CEP83: variants seen among roughly 807,000 people sequenced by gnomAD.
CEP83 encodes the protein centrosomal protein of 83 kDa.
A neutral mutation model predicts 101.9 loss-of-function variants in CEP83; 70 were observed. The observed-to-expected ratio is 0.69, with a 90% CI of 0.57 to 0.84. The LOEUF is 0.84. Ranked by LOEUF, CEP83 falls within the 40% of genes least tolerant of loss-of-function variation. CEP83 has a pLI of 0.00. For synonymous variants in CEP83, 264 were observed against 267.9 expected (o/e 0.99, Z 0.14); for missense variants, 715 against 787.2 (o/e 0.91, Z 1.10).
At chr12:94,375,587 A>G (rs2061491885) in intron 8 of CEP83, among the ~76,000 whole-genome samples, 1 of 152,208 alleles carries the variant, frequency 6.6e-6, no homozygotes, top group African/African-American at 2.4e-5. Context: ...GTCACAGTGG[A>G]TGTCATAAGA....
At chr12:94,347,027 G>C (rs372047028) in intron 11 of CEP83, among the ~76,000 whole-genome samples, 1 of 139,782 alleles carries the variant, frequency 7.2e-6, no homozygotes, top group African/African-American at 2.6e-5. Context: ...AACAGAGCAA[G>C]ATCCTGTATC....
chr12:94,380,913 T>A (rs1278566719), intron 6 of CEP83, among the ~76,000 whole-genome samples: 2 of 152,194 alleles, frequency 1.3e-5, no homozygotes, highest in Admixed American at 1.3e-4. Context: ...GTTGAAGCTA[T>A]GAGACTGGAT....
At chr12:94,411,331 C>CT (rs894380852) in intron 4 of CEP83, among the ~76,000 whole-genome samples, 6 of 151,892 alleles carry the variant, frequency 4.0e-5, no homozygotes, top group African/African-American at 1.5e-4. Flanking sequence ...AATAGCTGTC[C>CT]TTTTTTAGCT....
At chr12:94,382,409 G>T (rs2061900993) in intron 6 of CEP83, among the ~76,000 whole-genome samples, 1 of 150,596 alleles carries the variant, frequency 6.6e-6, no homozygotes, top group Non-Finnish European at 1.5e-5. Context: ...TCTTTTTCTA[G>T]GTTCTTGAGG....
At position 94,307,980 on chromosome 12, in the gene CEP83, T is replaced by G. The variant is rs918055207; in HGVS notation, c.*833A>C. ...TGAAATTATTCCAGCAGAATTCCTC[T>G]AAAAGATGTCACATTAAAAAGGCTT... On this transcript the variant is annotated 3_prime_UTR_variant, in exon 17 of 17. Coordinates refer to ENST00000397809, the MANE Select transcript of CEP83 (RefSeq NM_016122.3). The G allele has an allele frequency of 1.3e-5, 2 of 152,098 alleles. No individual in the cohort carries two copies. Among genetic ancestry groups the G allele is most frequent in the African/African-American group, 4.8e-5 (2 of 41,412 alleles). The allele number at this position is 152,098 out of a possible 1,614,324, so 9.4% of individuals were successfully genotyped here. A position where few individuals can be genotyped will look rare whatever the true frequency, so the allele number is the denominator to read the frequency against.
In CEP83 at chr12:94,341,588, T is replaced by A. The variant is rs139367569; in HGVS notation, c.1344-5924A>T. Among the ~76,000 whole-genome samples the A allele has an allele frequency of 4.3e-3, 649 of 151,622 alleles. 2 individuals carry two copies. Among genetic ancestry groups the A allele is most frequent in the Middle Eastern group, 0.014 (4 of 292 alleles). On this transcript the variant is annotated intron_variant, in intron 11 of 16. Transcript: ENST00000397809. Reference sequence around the variant, plus strand: ...CATGCAAATCGTGTGAATTTAATCCTGCTAGATTTTATGTTGGTTACTATG... The same window carrying A: ...CATGCAAATCGTGTGAATTTAATCCAGCTAGATTTTATGTTGGTTACTATG...
chr12:94,285,638 C>T, the CEP83 span, among the ~76,000 whole-genome samples: 11 of 152,118 alleles, frequency 7.2e-5, no homozygotes, highest in Non-Finnish European at 1.3e-4. Flanking sequence ...GCATCTTTGG[C>T]TGTATTTGGA....
chr12:94,307,600 C>G (rs887911660), downstream of CEP83: 1 of 151,674 alleles, frequency 6.6e-6, no homozygotes, highest in Non-Finnish European at 1.5e-5. Context: ...TTATTGTATA[C>G]CTGATTGAAG....
chr12:94,279,917 G>A, the CEP83 span: 1 of 590,238 alleles, frequency 1.7e-6, no homozygotes, highest in Non-Finnish European at 3.1e-6. Flanking sequence ...TCAGATTGAT[G>A]AGATTGCAGG....
At chr12:94,324,266 C>G (rs2058871765) in intron 14 of CEP83, among the ~76,000 whole-genome samples, 1 of 152,092 alleles carries the variant, frequency 6.6e-6, no homozygotes, top group African/African-American at 2.4e-5. Context: ...TGAGGCATTT[C>G]TTTGTGGAAG....
Position 94,436,175 on chromosome 12 carries a change from T to G in CEP83, c.-154-848A>C, listed in dbSNP as rs183990583. 2.1e-3 allele frequency among the ~76,000 whole-genome samples: 324 copies of G among 152,252 alleles called. 1 individual carries two copies. The highest frequency in any genetic ancestry group is 7.5e-3 in the African/African-American group (310 of 41,554). On this transcript the variant is annotated intron_variant, in intron 1 of 16. Transcript: ENST00000397809. ...TCTGGTAATATGGCAAAACGAAGTT[T>G]GATAACACCCCCAAAAGATCACACT...
At chr12:94,293,504 T>A in the CEP83 span, among the ~76,000 whole-genome samples, 1 of 152,252 alleles carries the variant, frequency 6.6e-6, no homozygotes, top group East Asian at 1.9e-4. Context: ...GTTCACTGTC[T>A]GGGCAAAGTA....
At chr12:94,445,812 A>G (rs1202556197) in intron 1 of CEP83, among the ~76,000 whole-genome samples, 1 of 152,198 alleles carries the variant, frequency 6.6e-6, no homozygotes, top group East Asian at 1.9e-4. Flanking sequence ...CCCAGTAGGA[A>G]TGAGTATGGG....
chr12:94,270,796 G>A, the CEP83 span, among the ~76,000 whole-genome samples: 3 of 150,492 alleles, frequency 2.0e-5, no homozygotes, highest in Non-Finnish European at 1.5e-5. Context: ...AAAGGCTCTC[G>A]TTACCCTGTC....
chr12:94,424,492 G>C, intron 2 of CEP83: 1 of 1,613,886 alleles, frequency 6.2e-7, no homozygotes, highest in East Asian at 2.2e-5. Context: ...AGATAACCTG[G>C]CCAAAGGGCT....
At chr12:94,412,145 C>T (rs74757516) in intron 3 of CEP83, among the ~76,000 whole-genome samples, 173 bp downstream of exon 3, 3,331 of 152,244 alleles carry the variant, frequency 0.022, 57 homozygotes, top group Non-Finnish European at 0.034. Flanking sequence ...TGATATCATA[C>T]TTAGTTTGGA....
rs143427086 is a variant in CEP83, at chr12:94,354,872, T to C, written c.1343+12922A>G. Among the ~76,000 whole-genome samples, 849 of 152,114 alleles carry C rather than the reference T, an allele frequency of 5.6e-3. 3 individuals are homozygous for C. Among genetic ancestry groups the C allele is most frequent in the Non-Finnish European group, 9.0e-3 (612 of 67,974 alleles). On this transcript the variant is annotated intron_variant, in intron 11 of 16. Transcript: ENST00000397809. Reference sequence around the variant, plus strand: ...TAAAAATATAAAAATTATATGGGCGTGGTGGCACACGCCTTGCTACTCGGG... The same window carrying C: ...TAAAAATATAAAAATTATATGGGCGCGGTGGCACACGCCTTGCTACTCGGG...
At chr12:94,392,679 C>CA (rs1225211260) in intron 6 of CEP83, among the ~76,000 whole-genome samples, 1 of 151,924 alleles carries the variant, frequency 6.6e-6, no homozygotes. Context: ...AAGAACCCTT[C>CA]AAAAAAATCA....
At chr12:94,312,076 A>T (rs1056129815) in intron 15 of CEP83, among the ~76,000 whole-genome samples, 6 of 146,990 alleles carry the variant, frequency 4.1e-5, no homozygotes, top group Non-Finnish European at 9.1e-5. Context: ...CCCCATGTTT[A>T]AAAAAAAAAA....
Sources: allele counts gnomAD v4.1 joint callset (sites outside exome capture counted in the v4.1 genomes callset), GRCh38; gene constraint gnomAD v4.1.1; transcripts MANE v1.5; gene names NCBI Gene and HGNC (gene_info 2026-07-23, HGNC 2026-07-21).